PSG3: variants seen among roughly 807,000 people sequenced by gnomAD.
PSG3 encodes pregnancy-specific beta-1-glycoprotein 3.
A neutral mutation model predicts 47.5 loss-of-function variants in PSG3; 61 were observed. That is an observed-to-expected ratio of 1.28 (90% CI 1.05 to 1.59). The LOEUF (loss-of-function observed/expected upper bound fraction) is 1.59. PSG3 is among the 40% of genes most tolerant of loss of function. The probability of loss-of-function intolerance (pLI) is 0.00; values close to 1 mark genes in which losing one functional copy is unlikely to be tolerated. For synonymous variants in PSG3, 263 were observed against 198.4 expected (o/e 1.33, Z -2.74); for missense variants, 756 against 524.0 (o/e 1.44, Z -4.32).
At position 42,739,773 on chromosome 19, in the gene PSG3, A is replaced by C. The variant is rs541542531; in HGVS notation, c.64+548T>G. Among the ~76,000 whole-genome samples, 164 of 152,164 alleles carry C rather than the reference A, an allele frequency of 1.1e-3. 2 individuals are homozygous for C. The highest frequency in any genetic ancestry group is 3.9e-3 in the African/African-American group (161 of 41,522). ...GTCATCTGATATAGTTATTATTATCATTTTTCAAAATGTGGTGGCCCCTGA... is the reference window on the plus strand; with the variant it reads ...GTCATCTGATATAGTTATTATTATCCTTTTTCAAAATGTGGTGGCCCCTGA... On this transcript the variant is annotated intron_variant, in intron 1 of 6. Coordinates refer to ENST00000327495, the MANE Select transcript of PSG3 (RefSeq NM_021016.4).
intron 5 of PSG3, among the ~76,000 whole-genome samples, chr19:42,726,661 A>C (rs979025073): frequency 6.6e-6 from 1 of 152,230 alleles, no homozygotes; most frequent in African/African-American, 2.4e-5. Context: ...ATTGAAAGAC[A>C]TTTTGTTTTC....
chr19:42,724,118 T>A, intron 5 of PSG3, 93 bp from the exon 6 acceptor site: 6 of 1,474,552 alleles, frequency 4.1e-6, no homozygotes, highest in Non-Finnish European at 5.6e-6. Flanking sequence ...AGGTACTCTA[T>A]AATTGTTTCT....
chr19:42,731,184 G>C (rs1399334997), intron 3 of PSG3, among the ~76,000 whole-genome samples: 3 of 152,224 alleles, frequency 2.0e-5, no homozygotes, highest in African/African-American at 7.2e-5. Context: ...CTGCTGTAGA[G>C]CTTGATGCCT....
chr19:42,732,695 T>C (rs1969492125), intron 3 of PSG3, 89 bp downstream of exon 3: 1 of 1,613,786 alleles, frequency 6.2e-7, no homozygotes, highest in Non-Finnish European at 8.5e-7. Context: ...GTCTCTGTAC[T>C]TGGACCTGAG....
At chr19:42,728,876 G>A (rs1455025844) in intron 5 of PSG3, among the ~76,000 whole-genome samples, 1 of 152,088 alleles carries the variant, frequency 6.6e-6, no homozygotes, top group African/African-American at 2.4e-5. Context: ...ACCACATAGG[G>A]CTCAGGGCTG....
intron 1 of PSG3, 123 bp downstream of exon 1, chr19:42,740,198 C>A: frequency 1.9e-6 from 3 of 1,583,898 alleles, no homozygotes; most frequent in Non-Finnish European, 2.6e-6. Flanking sequence ...GTGATCCACC[C>A]TCCTCAGCCT....
chr19:42,731,299 G>A (rs57382618), intron 3 of PSG3, among the ~76,000 whole-genome samples: 2,147 of 152,256 alleles, frequency 0.014, 55 homozygotes, highest in African/African-American at 0.05. Context: ...TATACTTACT[G>A]GTTTAGCATC....
rs368533733 is a variant in PSG3, at chr19:42,733,015, C to G, written c.478G>C (p.Glu160Gln). The change falls in exon 3 of 7, where the codon GAG becomes CAG. Residue 160 changes from glutamate (E) to glutamine (Q), a missense_variant. Transcript: ENST00000327495. The part of the protein sequence containing the change: ...SISSSNLYPR[E>Q]DMEAVSLTCD... ...GTTAAGCTCACAGCCTCCATGTCCTCCCTGGGGTATAAGTTGCTGCTGGAG... is the reference window on the plus strand; with the variant it reads ...GTTAAGCTCACAGCCTCCATGTCCTGCCTGGGGTATAAGTTGCTGCTGGAG... 20 of 1,614,122 alleles carry G rather than the reference C, an allele frequency of 1.2e-5. No homozygotes were observed. Among genetic ancestry groups the G allele is most frequent in the Non-Finnish European group, 1.5e-5 (18 of 1,180,026 alleles).
intron 1 of PSG3, among the ~76,000 whole-genome samples, chr19:42,739,912 G>A (rs1969640424): frequency 6.6e-6 from 1 of 151,840 alleles, no homozygotes; most frequent in Non-Finnish European, 1.5e-5. Flanking sequence ...CCCCTATCCA[G>A]GCTCCAACAG....
rs756569204 is a variant in PSG3 at position 42,738,970 on chromosome 19, G to C, written c.184C>G (p.Leu62Val). The C allele has an allele frequency of 1.2e-6, 2 of 1,614,060 alleles. No individual in the cohort carries two copies. Among genetic ancestry groups the C allele is most frequent in the African/African-American group, 1.3e-5 (1 of 75,014 alleles). The change falls in exon 2 of 7, where the codon CTT becomes GTT. Residue 62 changes from leucine (L) to valine (V), a missense_variant. Transcript: ENST00000327495. ...LLLVHNLPQNLAGYIWYKGQM... is the reference protein window; with the variant it reads ...LLLVHNLPQNVAGYIWYKGQM... ...CCTTTGTACCAGATGTAGCCAGCAA[G>C]ATTCTGGGGCAAATTGTGGACAAGT... is the stretch of plus-strand genomic sequence containing the variant.
At chr19:42,724,588 T>C (rs1339110211) in intron 5 of PSG3, among the ~76,000 whole-genome samples, 1 of 152,182 alleles carries the variant, frequency 6.6e-6, no homozygotes, top group Admixed American at 6.5e-5. Context: ...GCAAAAACTC[T>C]TATAATTGAA....
intron 3 of PSG3, among the ~76,000 whole-genome samples, chr19:42,731,735 T>C (rs931512235): frequency 4.6e-5 from 7 of 151,744 alleles, no homozygotes; most frequent in African/African-American, 1.7e-4. Context: ...TCTAACAATA[T>C]TGATTCCTCC....
chr19:42,726,030 A>T (rs1351927559), intron 5 of PSG3, among the ~76,000 whole-genome samples: 1 of 152,156 alleles, frequency 6.6e-6, no homozygotes, highest in Non-Finnish European at 1.5e-5. Context: ...ACCCCTAGAA[A>T]CACACAAAAA....
At chr19:42,727,681 G>A (rs1969398784) in intron 5 of PSG3, among the ~76,000 whole-genome samples, 1 of 152,178 alleles carries the variant, frequency 6.6e-6, no homozygotes, top group Non-Finnish European at 1.5e-5. Context: ...ATGGGAATGG[G>A]AAATGTTATA....
chr19:42,734,329 A>G (rs1281190036), intron 2 of PSG3: 1 of 152,252 alleles, frequency 6.6e-6, no homozygotes, highest in African/African-American at 2.4e-5. Context: ...AAAAATTTAA[A>G]ATCCACAATG....
At chr19:42,727,342 AT>A (rs1969393738) in intron 5 of PSG3, among the ~76,000 whole-genome samples, 1 of 152,118 alleles carries the variant, frequency 6.6e-6, no homozygotes, top group Non-Finnish European at 1.5e-5. Context: ...AATGATAAAA[AT>A]ATTTGCAAAT....
chr19:42,734,732 A>T (rs187933165), intron 2 of PSG3, among the ~76,000 whole-genome samples: 7 of 152,364 alleles, frequency 4.6e-5, no homozygotes. Flanking sequence ...TCCCGTTAAA[A>T]GGACAGAACT....
intron 2 of PSG3, among the ~76,000 whole-genome samples, chr19:42,736,953 G>A (rs1457943285): frequency 6.6e-6 from 1 of 152,134 alleles, no homozygotes; most frequent in African/African-American, 2.4e-5. Context: ...GGAGTGTCTG[G>A]GGAAGACCTA....
At chr19:42,734,545 T>C (rs796403665) in intron 2 of PSG3, among the ~76,000 whole-genome samples, 1 of 152,210 alleles carries the variant, frequency 6.6e-6, no homozygotes, top group African/African-American at 2.4e-5. Context: ...TGAAATGTTT[T>C]CATAAGTGGA....
Sources: allele counts gnomAD v4.1 joint callset (sites outside exome capture counted in the v4.1 genomes callset), GRCh38; gene constraint gnomAD v4.1.1; transcripts MANE v1.5; gene names NCBI Gene and HGNC (gene_info 2026-07-23, HGNC 2026-07-21).